PYHIN1: variants seen among roughly 807,000 people sequenced by gnomAD.
PYHIN1 encodes the protein pyrin and HIN domain-containing protein 1.
In PYHIN1, 32 loss-of-function variants were observed where a neutral mutation model predicts 43.7. That is an observed-to-expected ratio of 0.73 (90% CI 0.55 to 0.98). The LOEUF (loss-of-function observed/expected upper bound fraction) is 0.98, where lower values mean the gene tolerates loss of function less well. Among genes scored for constraint, PYHIN1 ranks in the 50% least tolerant of loss-of-function variants. The probability of loss-of-function intolerance (pLI) is 0.00; values close to 1 mark genes in which losing one functional copy is unlikely to be tolerated. For missense variants in PYHIN1, 588 were observed against 589.5 expected (o/e 1.00, Z 0.03); for synonymous variants, 205 against 203.1 (o/e 1.01, Z -0.08).
Position 158,943,964 on chromosome 1 carries a change from C to T in PYHIN1, c.1177C>T (p.His393Tyr). Residue 393 changes from histidine (H) to tyrosine (Y), a missense_variant, in exon 6 of 9, where the codon CAT becomes TAT. Transcript: ENST00000368140. ...ENMSKLMSEM[H>Y]SFIQIQKNTN... ...TATGTCAAAACTGATGTCAGAAATG[C>T]ATAGTTTCATCCAGGTGAGAAATAA... 3 of 1,600,988 alleles carry T rather than the reference C, an allele frequency of 1.9e-6. No homozygotes were observed. Among genetic ancestry groups the T allele is most frequent in the Non-Finnish European group, 2.6e-6 (3 of 1,171,148 alleles).
At chr1:158,975,551 AT>A (rs1651207279) in intron 8 of PYHIN1, among the ~76,000 whole-genome samples, 1 of 152,094 alleles carries the variant, frequency 6.6e-6, no homozygotes, top group Non-Finnish European at 1.5e-5. Flanking sequence ...TGAAAACAAT[AT>A]TTTTCTAACT....
chr1:158,976,059 A>T (rs1268920321), intron 8 of PYHIN1, among the ~76,000 whole-genome samples: 1 of 152,128 alleles, frequency 6.6e-6, no homozygotes, highest in Non-Finnish European at 1.5e-5. Flanking sequence ...ATTACCAAGG[A>T]TGTCCCTAAG....
chr1:158,937,488 A>G (rs1334920183), intron 2 of PYHIN1, among the ~76,000 whole-genome samples: 1 of 152,234 alleles, frequency 6.6e-6, no homozygotes, highest in East Asian at 1.9e-4. Flanking sequence ...ATTGTTGTTT[A>G]TATCTGAGAT....
intron 7 of PYHIN1, among the ~76,000 whole-genome samples, chr1:158,965,462 A>G (rs766470770): frequency 4.6e-5 from 7 of 152,152 alleles, no homozygotes; most frequent in Non-Finnish European, 1.0e-4. Flanking sequence ...ACTGCCACAT[A>G]GCACACACTC....
At chr1:158,957,940 G>A (rs959908673) in intron 7 of PYHIN1, among the ~76,000 whole-genome samples, 2 of 151,988 alleles carry the variant, frequency 1.3e-5, no homozygotes, top group Non-Finnish European at 2.9e-5. Flanking sequence ...CAGAAAGTGG[G>A]TGAAGGACAT....
intron 7 of PYHIN1, among the ~76,000 whole-genome samples, chr1:158,957,422 A>C (rs1240941501): frequency 1.3e-5 from 2 of 152,080 alleles, no homozygotes; most frequent in African/African-American, 2.4e-5. Context: ...GATCAATGGA[A>C]CAGAACAGAG....
intron 7 of PYHIN1, among the ~76,000 whole-genome samples, chr1:158,965,876 A>G (rs1242814789): frequency 1.3e-5 from 2 of 152,156 alleles, no homozygotes; most frequent in Admixed American, 6.5e-5. Flanking sequence ...GAGAAAAGAA[A>G]TAACCAATAT....
chr1:158,977,640 A>G (rs1232814377), downstream of PYHIN1, among the ~76,000 whole-genome samples: 1 of 152,132 alleles, frequency 6.6e-6, no homozygotes, highest in Non-Finnish European at 1.5e-5. Flanking sequence ...CTTACAATGT[A>G]TTTATGGATC....
At chr1:158,982,905 T>C in the PYHIN1 span, among the ~76,000 whole-genome samples, 1 of 152,146 alleles carries the variant, frequency 6.6e-6, no homozygotes, top group Admixed American at 6.6e-5. Context: ...GTGGCTATTG[T>C]GAAAGGAACT....
intron 1 of PYHIN1, among the ~76,000 whole-genome samples, chr1:158,934,777 C>A (rs1441738506): frequency 1.3e-5 from 2 of 152,116 alleles, no homozygotes; most frequent in South Asian, 2.1e-4. Context: ...GGCTGGAGTG[C>A]AGTGGCATGA....
intron 7 of PYHIN1, among the ~76,000 whole-genome samples, chr1:158,959,109 C>G (rs1650167627): frequency 6.6e-6 from 1 of 151,792 alleles, no homozygotes; most frequent in Admixed American, 6.6e-5. Context: ...TTGGGAGGTC[C>G]GTTGCACTCC....
chr1:158,948,640 G>A (rs1396029282), intron 7 of PYHIN1, among the ~76,000 whole-genome samples: 1 of 152,194 alleles, frequency 6.6e-6, no homozygotes, highest in Non-Finnish European at 1.5e-5. Flanking sequence ...GCAGCTGTTT[G>A]TACTGATTCA....
chr1:158,976,750 G>A lies in PYHIN1; in HGVS notation c.*55G>A, dbSNP rs1651285853. 6.3e-7 allele frequency: 1 copy of A among 1,598,218 alleles called. No individual in the cohort carries two copies. The highest frequency in any genetic ancestry group is 8.5e-7 in the Non-Finnish European group (1 of 1,170,904). On this transcript the variant is annotated 3_prime_UTR_variant, in exon 9 of 9. Transcript: ENST00000368140. ...TAACTACTGTTCAATCTTTACTCAA[G>A]TGTGGAAATTTTGCCTGAAGTCCTC...
chr1:158,961,786 A>G (rs1012422606), intron 7 of PYHIN1, among the ~76,000 whole-genome samples: 1 of 152,286 alleles, frequency 6.6e-6, no homozygotes, highest in East Asian at 1.9e-4. Flanking sequence ...CCACTCAGGC[A>G]TACAAGGAAC....
intron 7 of PYHIN1, among the ~76,000 whole-genome samples, chr1:158,960,965 C>A (rs1298203469): frequency 6.6e-6 from 1 of 151,958 alleles, no homozygotes. Flanking sequence ...ACTTTCTATA[C>A]CAATTTGATC....
intron 7 of PYHIN1, 100 bp downstream of exon 7, chr1:158,945,142 C>A: frequency 8.4e-7 from 1 of 1,193,486 alleles, no homozygotes; most frequent in Non-Finnish European, 1.2e-6. Context: ...TAACTGTGTA[C>A]AATCTCTAGA....
chr1:158,973,843 A>T, intron 8 of PYHIN1, 72 bp downstream of exon 8: 2 of 1,487,452 alleles, frequency 1.3e-6, no homozygotes, highest in Non-Finnish European at 1.8e-6. Flanking sequence ...CTTCAAAGGG[A>T]TTCTCATTTA....
intron 8 of PYHIN1, among the ~76,000 whole-genome samples, chr1:158,974,473 A>G (rs1313550537): frequency 1.3e-5 from 2 of 152,066 alleles, no homozygotes; most frequent in Non-Finnish European, 2.9e-5. Context: ...ATTTATATCT[A>G]AGTGTTCCAA....
At chr1:158,951,340 G>A (rs551503021) in intron 7 of PYHIN1, among the ~76,000 whole-genome samples, 5 of 152,106 alleles carry the variant, frequency 3.3e-5, no homozygotes, top group South Asian at 2.1e-4. Context: ...GGATGTGTAC[G>A]TTGATCTAGC....
Sources: gnomAD v4.1 joint callset for allele counts (sites outside exome capture counted in the v4.1 genomes callset) on GRCh38, gnomAD v4.1.1 for gene constraint, MANE v1.5 for transcripts, NCBI Gene and HGNC (gene_info 2026-07-23, HGNC 2026-07-21) for gene names.